Variants in CORO2B observed in about 807,000 individuals in gnomAD.
The protein encoded by CORO2B is coronin 2B.
A neutral mutation model predicts 58.8 loss-of-function variants in CORO2B; 26 were observed. The observed-to-expected ratio is 0.44, with a 90% CI of 0.32 to 0.61. The LOEUF is 0.61. Among genes scored for constraint, CORO2B ranks in the 20% least tolerant of loss-of-function variants. CORO2B has a pLI of 0.04. For synonymous variants in CORO2B, 242 were observed against 253.8 expected (o/e 0.95, Z 0.44); for missense variants, 460 against 645.1 (o/e 0.71, Z 3.11).
the CORO2B span, among the ~76,000 whole-genome samples, chr15:68,563,894 C>T: frequency 2.0e-5 from 3 of 152,124 alleles, no homozygotes; most frequent in Admixed American, 2.0e-4. Flanking sequence ...AAAGAAAGGT[C>T]CAGGACCAGA....
chr15:68,656,412 C>A (rs1364822756), intron 2 of CORO2B, among the ~76,000 whole-genome samples: 3 of 151,924 alleles, frequency 2.0e-5, no homozygotes, highest in African/African-American at 7.3e-5. Flanking sequence ...GTCAGGTGAG[C>A]ATGAGAGGTG....
intron 1 of CORO2B, among the ~76,000 whole-genome samples, chr15:68,587,002 C>T (rs574801715): frequency 1.3e-5 from 2 of 150,214 alleles, no homozygotes; most frequent in South Asian, 2.1e-4. Context: ...TTCTTATTAT[C>T]TATATTGGGC....
intron 1 of CORO2B, among the ~76,000 whole-genome samples, chr15:68,614,335 C>T (rs948248241): frequency 6.6e-6 from 1 of 152,200 alleles, no homozygotes; most frequent in African/African-American, 2.4e-5. Context: ...GCCGTATTAT[C>T]ACATAAAATT....
the CORO2B span, among the ~76,000 whole-genome samples, chr15:68,531,376 A>AGT: frequency 6.6e-6 from 1 of 152,002 alleles, no homozygotes; most frequent in East Asian, 1.9e-4. Context: ...GTGTGCCTGT[A>AGT]ATCCCAGCTA....
At chr15:68,541,641 T>C in the CORO2B span, among the ~76,000 whole-genome samples, 1 of 152,166 alleles carries the variant, frequency 6.6e-6, no homozygotes, top group Non-Finnish European at 1.5e-5. Flanking sequence ...TCCTCCTGAG[T>C]GCTTTGTCCA....
At chr15:68,708,109 G>C (rs991644124) in intron 3 of CORO2B, among the ~76,000 whole-genome samples, 22 of 152,246 alleles carry the variant, frequency 1.4e-4, no homozygotes, top group Middle Eastern at 3.4e-3. Context: ...CTGAAACTGA[G>C]AATGGTGCAC....
At chr15:68,650,572 A>T (rs1901611006) in intron 2 of CORO2B, among the ~76,000 whole-genome samples, 1 of 152,154 alleles carries the variant, frequency 6.6e-6, no homozygotes, top group African/African-American at 2.4e-5. Flanking sequence ...AAATCGCGCA[A>T]CTGCACTCCA....
intron 1 of CORO2B, among the ~76,000 whole-genome samples, chr15:68,596,773 T>C (rs1000670116): frequency 7.2e-5 from 11 of 152,162 alleles, no homozygotes; most frequent in Non-Finnish European, 4.4e-5. Context: ...AGGCAGAGTC[T>C]TCCCGGAGCT....
At chr15:68,579,781 A>G (rs1379103939) in intron 1 of CORO2B, among the ~76,000 whole-genome samples, 2 of 152,198 alleles carry the variant, frequency 1.3e-5, no homozygotes, top group Non-Finnish European at 2.9e-5. Context: ...CTCTGTGCAG[A>G]AGGCGCTGCC....
Position 68,645,387 on chromosome 15 carries a change from C to T in CORO2B, c.216+27C>T. On this transcript the variant is annotated intron_variant, in intron 2 of 11. Coordinates refer to ENST00000261861, the MANE Select transcript of CORO2B (RefSeq NM_006091.5). The surrounding 1 kb of genome is among the most constrained non-coding windows in gnomAD (Gnocchi z 4.5). ...TAGGTGGCCCCTACCTTCACTCCAG[C>T]TGCAGCTCCAGGGCAGAGAGGAGCC... The T allele has an allele frequency of 2.5e-6, 4 of 1,603,158 alleles. No homozygotes were observed. Among genetic ancestry groups the T allele is most frequent in the Non-Finnish European group, 2.5e-6 (3 of 1,176,488 alleles).
chr15:68,599,423 G>A (rs1899918832), intron 1 of CORO2B, among the ~76,000 whole-genome samples: 1 of 152,214 alleles, frequency 6.6e-6, no homozygotes, highest in South Asian at 2.1e-4. Context: ...TTTGAATGAT[G>A]TATTTATATT....
chr15:68,544,497 G>C, the CORO2B span, among the ~76,000 whole-genome samples: 1 of 152,184 alleles, frequency 6.6e-6, no homozygotes, highest in Non-Finnish European at 1.5e-5. Flanking sequence ...TATCCATCCT[G>C]TTCCAGGTGG....
chr15:68,533,119 C>G, the CORO2B span, among the ~76,000 whole-genome samples: 2 of 152,328 alleles, frequency 1.3e-5, no homozygotes, highest in East Asian at 3.9e-4. Flanking sequence ...TGATATTCTT[C>G]CCTGCACCAC....
intron 1 of CORO2B, among the ~76,000 whole-genome samples, chr15:68,642,413 G>T (rs1233984511): frequency 1.3e-5 from 2 of 152,136 alleles, no homozygotes; most frequent in Non-Finnish European, 2.9e-5. Flanking sequence ...CAGGCCTTGT[G>T]CAGACCATCC....
chr15:68,653,781 G>A (rs1008472106), intron 2 of CORO2B, among the ~76,000 whole-genome samples: 5 of 151,512 alleles, frequency 3.3e-5, no homozygotes, highest in South Asian at 2.1e-4. Context: ...CAAAGCCTTC[G>A]TTCCCATTCC....
the CORO2B span, among the ~76,000 whole-genome samples, chr15:68,544,070 C>G: frequency 6.6e-6 from 1 of 152,200 alleles, no homozygotes; most frequent in Non-Finnish European, 1.5e-5. Context: ...GGTGACCACC[C>G]CAGCCCACTC....
chr15:68,520,667 A>G, the CORO2B span, among the ~76,000 whole-genome samples: 13 of 152,344 alleles, frequency 8.5e-5, no homozygotes, highest in South Asian at 2.5e-3. Context: ...TTATAAGTCA[A>G]ATATGGTTGA....
At chr15:68,678,744 C>G (rs1050625324) in intron 2 of CORO2B, among the ~76,000 whole-genome samples, 1 of 152,236 alleles carries the variant, frequency 6.6e-6, no homozygotes, top group African/African-American at 2.4e-5. Context: ...ATAGCCAGCA[C>G]CAGGCTCAGA....
rs777289003 is a variant in CORO2B at position 68,694,168 on chromosome 15, G to C, written c.217-972G>C. On this transcript the variant is annotated intron_variant, in intron 2 of 11. Transcript: ENST00000261861. The stretch of plus-strand genomic sequence containing the variant: ...GTTATAATGGAGGGAAGCACAGAAT[G>C]CTGTGAGAGCACAGAGGAAGAGATC... Among the ~76,000 whole-genome samples, 3 of 151,986 alleles carry C rather than the reference G, an allele frequency of 2.0e-5. No individual in the cohort carries two copies. In the East Asian group the frequency reaches 5.8e-4, roughly 29 times the overall value.
Sources: allele counts gnomAD v4.1 joint callset (sites outside exome capture counted in the v4.1 genomes callset), GRCh38; gene constraint gnomAD v4.1.1; non-coding constraint Gnocchi (gnomAD v3.1); transcripts MANE v1.5; gene names NCBI Gene and HGNC (gene_info 2026-07-23, HGNC 2026-07-21).